SLC2A5: variants seen among roughly 807,000 people sequenced by gnomAD.
The protein encoded by SLC2A5 is solute carrier family 2, facilitated glucose transporter member 5.
In SLC2A5, 56 loss-of-function variants were observed where a neutral mutation model predicts 50.3. That is an observed-to-expected ratio of 1.11 (90% CI 0.90 to 1.39). SLC2A5 has a LOEUF of 1.39. SLC2A5 is among the 40% of genes most tolerant of loss of function. The probability of loss-of-function intolerance (pLI) is 0.00; values close to 1 mark genes in which losing one functional copy is unlikely to be tolerated. For missense variants in SLC2A5, 566 were observed against 650.1 expected (o/e 0.87, Z 1.41); for synonymous variants, 269 against 281.9 (o/e 0.95, Z 0.46).
At chr1:9,080,811 A>C (rs1642343006) in intron 2 of SLC2A5, among the ~76,000 whole-genome samples, 1 of 152,254 alleles carries the variant, frequency 6.6e-6, no homozygotes, top group African/African-American at 2.4e-5. Flanking sequence ...TGAGTCTTAA[A>C]GGAATGTGCT....
chr1:9,064,543 C>A (rs560612977), intron 1 of SLC2A5, among the ~76,000 whole-genome samples: 1 of 152,278 alleles, frequency 6.6e-6, no homozygotes, highest in African/African-American at 2.4e-5. Flanking sequence ...GTAATAACGA[C>A]CACCCCAAGA....
intron 1 of SLC2A5, chr1:9,085,214 A>G (rs146326895): frequency 2.0e-4 from 31 of 152,370 alleles, no homozygotes; most frequent in African/African-American, 7.5e-4. Flanking sequence ...ATGAGTGACT[A>G]CGGCCTATGA....
chr1:9,058,078 C>T (rs560059619), intron 2 of SLC2A5, 74 bp downstream of exon 2: 50 of 1,108,504 alleles, frequency 4.5e-5, no homozygotes, highest in South Asian at 4.0e-4. Flanking sequence ...AACAGCCCCA[C>T]GCTGGCCAGT....
chr1:9,052,045 G>A (rs578220397), intron 3 of SLC2A5, among the ~76,000 whole-genome samples: 166 of 152,302 alleles, frequency 1.1e-3, no homozygotes, highest in African/African-American at 3.7e-3. Context: ...CAGCACCTTG[G>A]GAGGCCGAGG....
chr1:9,049,890 A>G (rs1373399292), intron 3 of SLC2A5, among the ~76,000 whole-genome samples: 1 of 152,050 alleles, frequency 6.6e-6, no homozygotes, highest in African/African-American at 2.4e-5. Flanking sequence ...TAATCTCAGC[A>G]CTTTTGGACA....
chr1:9,091,649 C>T (rs1052606682), upstream of SLC2A5, among the ~76,000 whole-genome samples: 2 of 150,972 alleles, frequency 1.3e-5, no homozygotes, highest in South Asian at 2.1e-4. Flanking sequence ...CAATTTTAAA[C>T]CCTGACCAAC....
At chr1:9,088,802 A>C (rs1642432539), upstream of SLC2A5, among the ~76,000 whole-genome samples, 1 of 151,822 alleles carries the variant, frequency 6.6e-6, no homozygotes, top group South Asian at 2.1e-4. Flanking sequence ...AACAACAACA[A>C]CAGCAAAAGC....
chr1:9,042,429 G>A (rs533983513), intron 4 of SLC2A5, among the ~76,000 whole-genome samples: 35 of 151,100 alleles, frequency 2.3e-4, no homozygotes, highest in Non-Finnish European at 3.7e-4. Flanking sequence ...GTGTGTGCGC[G>A]CGCATGATAT....
chr1:9,039,504 C>G, intron 8 of SLC2A5, 48 bp downstream of exon 8: 3 of 1,393,648 alleles, frequency 2.2e-6, no homozygotes, highest in South Asian at 1.3e-5. Flanking sequence ...GGGCGTGGGG[C>G]CCGAGGGGCC....
At position 9,041,308 on chromosome 1, in the gene SLC2A5, G is replaced by T. The variant is rs530955488; in HGVS notation, c.571+477C>A. 170 of 450,102 alleles carry T rather than the reference G, an allele frequency of 3.8e-4. 1 individual carries two copies. Among genetic ancestry groups the T allele is most frequent in the Non-Finnish European group, 1.1e-4 (30 of 273,300 alleles). 27.9% of individuals were successfully genotyped at this position (450,102 alleles called of 1,614,324 possible). On this transcript the variant is annotated intron_variant, in intron 5 of 11. Transcript: ENST00000377424. Reference sequence around the variant, plus strand: ...GGAAGGTGGAGGCAGGGTCTGGGATGTCCTCACCACCTCCCCCATGGGGCC... The same window carrying T: ...GGAAGGTGGAGGCAGGGTCTGGGATTTCCTCACCACCTCCCCCATGGGGCC...
upstream of SLC2A5, among the ~76,000 whole-genome samples, chr1:9,072,796 CAA>C (rs59542603): frequency 9.7e-5 from 12 of 124,196 alleles, no homozygotes; most frequent in East Asian, 2.3e-4. Flanking sequence ...CTAAAAATGC[CAA>C]AAAAAAAAAA....
chr1:9,042,547 G>GTA (rs886241162), intron 4 of SLC2A5, among the ~76,000 whole-genome samples: 15 of 148,440 alleles, frequency 1.0e-4, no homozygotes, highest in Admixed American at 2.0e-4. Context: ...GTGTGTGTGT[G>GTA]TATATATATA....
At chr1:9,085,234 CA>C (rs1260517320) in intron 1 of SLC2A5, 1 of 152,226 alleles carries the variant, frequency 6.6e-6, no homozygotes, top group African/African-American at 2.4e-5. Context: ...ACACAGCCCT[CA>C]GGGGGTTCTG....
chr1:9,060,167 CT>C (rs1641887463), intron 1 of SLC2A5, among the ~76,000 whole-genome samples: 1 of 148,598 alleles, frequency 6.7e-6, no homozygotes, highest in Non-Finnish European at 1.5e-5. Context: ...ACACTACACA[CT>C]ACATACACAA....
rs150154380 is a variant in SLC2A5 at position 9,039,893 on chromosome 1, G to A, written c.792C>T (p.Ser264=). 1.4e-5 allele frequency: 23 copies of A among 1,612,658 alleles called. No homozygotes were observed. The African/African-American group carries it at 1.7e-4, about 12-fold the overall frequency. The change falls in exon 7 of 12, where the codon TCC becomes TCT. Residue 264 remains serine (S), a synonymous_variant. Coordinates refer to ENST00000377424, the MANE Select transcript of SLC2A5 (RefSeq NM_003039.3). Reference sequence around the variant, plus strand: ...AGCGCATCCGGAACAGCTTCAGCACGGAGATGAAGCCCGCGGCCTTCTCTG... The same window carrying A: ...AGCGCATCCGGAACAGCTTCAGCACAGAGATGAAGCCCGCGGCCTTCTCTG... ...DEAEKAAGFI[S]VLKLFRMRSL... is the part of the protein sequence containing the mutation.
chr1:9,084,953 GTGGCGCATCAGTGATTCCTCC>G (rs1553172614), intron 2 of SLC2A5: 1 of 152,340 alleles, frequency 6.6e-6, no homozygotes, highest in Non-Finnish European at 1.5e-5. Flanking sequence ...TTTCCTGAAT[GTGGCGCATCAGTGATTCCTCC>G]CGGCCCCAAG....
chr1:9,049,292 T>C (rs927995417), intron 3 of SLC2A5: 3 of 423,496 alleles, frequency 7.1e-6, no homozygotes, highest in African/African-American at 6.2e-5. Flanking sequence ...AGAATCAGAC[T>C]GGACTATAAA....
intron 8 of SLC2A5, 63 bp from the exon 9 acceptor site, chr1:9,038,992 C>A: frequency 6.4e-7 from 1 of 1,566,002 alleles, no homozygotes; most frequent in Admixed American, 1.9e-5. Context: ...CAGCCCCCTC[C>A]AATGGGGCAG....
intron 1 of SLC2A5, among the ~76,000 whole-genome samples, chr1:9,059,753 C>G (rs930878908): frequency 6.6e-5 from 10 of 151,826 alleles, no homozygotes; most frequent in African/African-American, 2.4e-4. Context: ...AAGCTGGTCT[C>G]AAACTCCTGG....
Sources: allele counts gnomAD v4.1 joint callset (sites outside exome capture counted in the v4.1 genomes callset), GRCh38; gene constraint gnomAD v4.1.1; transcripts MANE v1.5; gene names NCBI Gene and HGNC (gene_info 2026-07-23, HGNC 2026-07-21).